The following CADPS variants were observed in gnomAD, a reference collection of about 807,000 sequenced individuals.
CADPS encodes the protein calcium dependent secretion activator.
Under a neutral mutation model 167.3 loss-of-function variants are expected in CADPS, and 57 were observed. The observed-to-expected ratio is 0.34, with a 90% CI of 0.28 to 0.42. CADPS has a LOEUF of 0.42. Ranked by LOEUF, CADPS falls within the 20% of genes least tolerant of loss-of-function variation. The probability of loss-of-function intolerance (pLI) is 1.00; values close to 1 mark genes in which losing one functional copy is unlikely to be tolerated. For synonymous variants in CADPS, 676 were observed against 635.3 expected, an observed-to-expected ratio of 1.06 and a Z score of -0.96; for missense variants, 1,414 against 1,738.1, an observed-to-expected ratio of 0.81 and a Z score of 3.32.
chr3:62,720,969 C>T (rs1293514232), intron 3 of CADPS, among the ~76,000 whole-genome samples: 3 of 151,704 alleles, frequency 2.0e-5, no homozygotes, highest in Non-Finnish European at 4.4e-5. Flanking sequence ...AGGTGTCCAC[C>T]ACCACGCCCG....
chr3:62,678,171 C>A (rs187619092), intron 3 of CADPS, among the ~76,000 whole-genome samples: 1 of 152,114 alleles, frequency 6.6e-6, no homozygotes, highest in Non-Finnish European at 1.5e-5. Context: ...AAGGGTCATG[C>A]AAACACACAA....
intron 1 of CADPS, among the ~76,000 whole-genome samples, chr3:62,853,135 A>G (rs1462735282): frequency 6.6e-6 from 1 of 152,200 alleles, no homozygotes; most frequent in Non-Finnish European, 1.5e-5. Context: ...GAACAGTAGG[A>G]CAAACAGGAA....
intron 3 of CADPS, among the ~76,000 whole-genome samples, chr3:62,687,275 A>G (rs532463363): frequency 6.6e-6 from 1 of 152,202 alleles, no homozygotes; most frequent in Non-Finnish European, 1.5e-5. Context: ...ACTCGAATCA[A>G]GGAAAGAAAA....
chr3:62,646,948 G>T (rs1398150316), intron 5 of CADPS, among the ~76,000 whole-genome samples: 1 of 152,146 alleles, frequency 6.6e-6, no homozygotes, highest in Non-Finnish European at 1.5e-5. Context: ...GTGTCATGAT[G>T]GATCAAGATG....
chr3:62,564,647 C>T (rs181928642), intron 9 of CADPS, among the ~76,000 whole-genome samples: 145 of 150,358 alleles, frequency 9.6e-4, no homozygotes, highest in African/African-American at 3.5e-3. Flanking sequence ...TGCTCTGTCA[C>T]CCAGGCTGGA....
chr3:62,531,041 T>C (rs1251044854), intron 13 of CADPS, among the ~76,000 whole-genome samples: 1 of 152,214 alleles, frequency 6.6e-6, no homozygotes, highest in Admixed American at 6.5e-5. Flanking sequence ...CATGACAAGA[T>C]GTATAAACCT....
At chr3:62,425,016 A>G (rs2052334877) in intron 28 of CADPS, among the ~76,000 whole-genome samples, 1 of 152,184 alleles carries the variant, frequency 6.6e-6, no homozygotes, top group Non-Finnish European at 1.5e-5. Context: ...GTTTCAGAAG[A>G]AAGGGCCCTG....
intron 3 of CADPS, among the ~76,000 whole-genome samples, chr3:62,706,097 A>G (rs1270469289): frequency 6.6e-6 from 1 of 152,050 alleles, no homozygotes; most frequent in African/African-American, 2.4e-5. Context: ...GACAGCTTCC[A>G]GAGTGTGGCA....
chr3:62,867,309 T>C (rs1560008146), intron 1 of CADPS, among the ~76,000 whole-genome samples: 1 of 152,030 alleles, frequency 6.6e-6, no homozygotes, highest in Non-Finnish European at 1.5e-5. Context: ...ATCCCATCAT[T>C]TACCAATTGA....
At chr3:62,593,167 T>G (rs2086440985) in intron 6 of CADPS, among the ~76,000 whole-genome samples, 1 of 152,198 alleles carries the variant, frequency 6.6e-6, no homozygotes, top group Non-Finnish European at 1.5e-5. Flanking sequence ...CACCTGACTT[T>G]CAAATGAGAC....
chr3:62,730,530 T>A (rs1184794656), intron 3 of CADPS, among the ~76,000 whole-genome samples: 2 of 152,172 alleles, frequency 1.3e-5, no homozygotes, highest in Non-Finnish European at 2.9e-5. Context: ...TGCAGGGACA[T>A]GCTCATTTCT....
chr3:62,520,735 C>CTTTACAA (rs1393586685), intron 13 of CADPS, among the ~76,000 whole-genome samples: 1 of 152,138 alleles, frequency 6.6e-6, no homozygotes, highest in African/African-American at 2.4e-5. Context: ...GTATTGGTAA[C>CTTTACAA]AGGAGATGCT....
At chr3:62,461,805 C>T (rs1254039088) in intron 26 of CADPS, among the ~76,000 whole-genome samples, 1 of 152,164 alleles carries the variant, frequency 6.6e-6, no homozygotes, top group African/African-American at 2.4e-5. Context: ...GCTTCTCCCA[C>T]CGGATAATTT....
At chr3:62,644,145 T>C (rs2068020212) in intron 6 of CADPS, among the ~76,000 whole-genome samples, 1 of 152,222 alleles carries the variant, frequency 6.6e-6, no homozygotes, top group Non-Finnish European at 1.5e-5. Flanking sequence ...CGTGCTTTCT[T>C]TGAACTATTT....
intron 3 of CADPS, among the ~76,000 whole-genome samples, chr3:62,736,484 T>C (rs1275350321): frequency 6.6e-6 from 1 of 152,218 alleles, no homozygotes; most frequent in Non-Finnish European, 1.5e-5. Flanking sequence ...GCAATTCTCC[T>C]AGTAGGCAAA....
chr3:62,403,240 CAG>C (rs1161760347), intron 28 of CADPS, 55 bp from the exon 29 acceptor site: 4 of 1,202,140 alleles, frequency 3.3e-6, no homozygotes, highest in Non-Finnish European at 3.7e-6. Context: ...ATTTATAGGG[CAG>C]AGAGAGAGCA....
chr3:62,761,206 ATTGTTG>A (rs574124644), intron 2 of CADPS, among the ~76,000 whole-genome samples: 234 of 152,180 alleles, frequency 1.5e-3, no homozygotes, highest in African/African-American at 5.3e-3. Context: ...ACAGCAAACT[ATTGTTG>A]TTGTTGTTGC....
chr3:62,416,563 G>A (rs762619022), intron 28 of CADPS, among the ~76,000 whole-genome samples: 1 of 152,202 alleles, frequency 6.6e-6, no homozygotes, highest in African/African-American at 2.4e-5. Flanking sequence ...TGGTTCTGAA[G>A]TTTATGGATT....
In CADPS at chr3:62,470,105, C is replaced by T. The variant is rs1247915274; in HGVS notation, c.3478-3692G>A. ...AACTATTTAATACGCAATTTCCCTT[C>T]TATTGGTACTTCACAAATTTTAATG... On this transcript the variant is annotated intron_variant, in intron 24 of 29. Coordinates refer to ENST00000383710, the MANE Select transcript of CADPS (RefSeq NM_003716.4). 4.6e-5 allele frequency among the ~76,000 whole-genome samples: 7 copies of T among 152,140 alleles called. No individual in the cohort carries two copies. In the East Asian group the frequency reaches 1.3e-3, roughly 29 times the overall value.
Sources: allele counts gnomAD v4.1 joint callset (sites outside exome capture counted in the v4.1 genomes callset), GRCh38; gene constraint gnomAD v4.1.1; transcripts MANE v1.5; gene names NCBI Gene and HGNC (gene_info 2026-07-23, HGNC 2026-07-21).